Variants in C5 observed in about 807,000 individuals in gnomAD.
C5 encodes C3 and PZP-like alpha-2-macroglobulin domain-containing protein 4.
Under a neutral mutation model 218.8 loss-of-function variants are expected in C5, and 140 were observed. The ratio of observed to expected loss-of-function variants is 0.64; its 90% confidence interval spans 0.56 to 0.74. C5 has a LOEUF of 0.74. Ranked by LOEUF, C5 falls within the 30% of genes least tolerant of loss-of-function variation. The pLI, the probability that C5 is intolerant of heterozygous loss-of-function variation, is 0.00. For synonymous variants in C5, 614 were observed against 682.3 expected, an observed-to-expected ratio of 0.90 and a Z score of 1.56; for missense variants, 1,700 against 1,969.6, an observed-to-expected ratio of 0.86 and a Z score of 2.59.
At chr9:121,021,405 G>T in intron 11 of C5, 104 bp downstream of exon 11, 1 of 857,010 alleles carries the variant, frequency 1.2e-6, no homozygotes, top group Non-Finnish European at 2.0e-6. Flanking sequence ...ACTGTTCACT[G>T]GACTCATGTG....
chr9:121,050,948 G>A (rs182594506), upstream of C5, among the ~76,000 whole-genome samples: 3 of 152,020 alleles, frequency 2.0e-5, no homozygotes, highest in East Asian at 5.8e-4. Context: ...TATACCACTC[G>A]TTCAAAGTTT....
intron 25 of C5, among the ~76,000 whole-genome samples, chr9:120,984,823 G>A (rs2047021406): frequency 6.8e-6 from 1 of 147,740 alleles, no homozygotes; most frequent in Non-Finnish European, 1.5e-5. Flanking sequence ...CCAGGTTCAA[G>A]CGATTCTCCT....
At chr9:121,059,242 G>C in the C5 span, among the ~76,000 whole-genome samples, 1 of 152,198 alleles carries the variant, frequency 6.6e-6, no homozygotes, top group Non-Finnish European at 1.5e-5. This position sits in a 1 kb window ranked among gnomAD's most constrained non-coding sequence, Gnocchi z 4.1. Flanking sequence ...AGGAAGTAGG[G>C]AGGAAGTGGA....
intron 37 of C5, among the ~76,000 whole-genome samples, chr9:120,960,564 T>A (rs1270243696): frequency 5.3e-5 from 8 of 152,236 alleles, no homozygotes; most frequent in Non-Finnish European, 8.8e-5. Context: ...GTCACAAGCT[T>A]GTCTAACCCA....
At chr9:121,030,726 C>T (rs2047467328) in intron 6 of C5, among the ~76,000 whole-genome samples, 1 of 152,150 alleles carries the variant, frequency 6.6e-6, no homozygotes, top group African/African-American at 2.4e-5. Flanking sequence ...TTGATTACAG[C>T]ATTTATTATA....
intron 1 of C5, among the ~76,000 whole-genome samples, chr9:121,047,578 C>A (rs1054964440): frequency 6.6e-6 from 1 of 152,112 alleles, no homozygotes; most frequent in Admixed American, 6.5e-5. Context: ...TGGAGGGCAC[C>A]CACCACCCCA....
Position 121,017,490 on chromosome 9 carries a change from C to G in C5, c.1738G>C (p.Asp580His). ...QLQVHLSPDA[D>H]AYSPGQTVSL... ...ACAGTTTGGCCTGGAGAATATGCAT[C>G]TGCATCAGGAGACAGATGAACCTAA... Residue 580 changes from aspartate (D) to histidine (H), a missense_variant, in exon 14 of 41, where the codon GAT (aspartate) becomes CAT (histidine). Transcript: ENST00000223642. 1.2e-6 allele frequency: 2 copies of G among 1,613,874 alleles called. No homozygotes were observed. The highest frequency in any genetic ancestry group is 1.7e-6 in the Non-Finnish European group (2 of 1,179,954).
At chr9:121,010,925 T>C (rs2047256508) in intron 17 of C5, among the ~76,000 whole-genome samples, 1 of 152,072 alleles carries the variant, frequency 6.6e-6, no homozygotes, top group African/African-American at 2.4e-5. Flanking sequence ...GGTTATCCCA[T>C]TCATGCAGAA....
In C5 at chr9:120,989,554, C is replaced by CTTTTT; in HGVS notation, c.3154+9_3154+13dup. On this transcript the variant is annotated intron_variant, in intron 24 of 40. Transcript: ENST00000223642. ...AATCACCCAATTTTTATGTGAAATA[C>CTTTTT]TTTTTTTTTTTACCTTCTTTTAATT... 1 of 1,151,710 alleles carries CTTTTT rather than the reference C, an allele frequency of 8.7e-7. No homozygotes were observed. Among genetic ancestry groups the CTTTTT allele is most frequent in the Non-Finnish European group, 1.2e-6 (1 of 823,336 alleles). 71.3% of individuals were successfully genotyped at this position (1,151,710 alleles called of 1,614,324 possible).
intron 3 of C5, among the ~76,000 whole-genome samples, chr9:121,041,995 T>C (rs973915586): frequency 4.6e-5 from 7 of 152,276 alleles, no homozygotes; most frequent in Admixed American, 2.0e-4. Flanking sequence ...ACTATTCTCA[T>C]CATCAACATC....
Position 121,017,655 on chromosome 9 carries a change from G to A in C5, c.1704C>T (p.Gly568=), listed in dbSNP as rs758651657. The stretch of plus-strand genomic sequence containing the variant: ...ATTTGTGGCTTACCTGGAGCTGGTT[G>A]CCACATTTTTCTTCAATATTTAACC... ...SVWLNIEEKC[G]NQLQVHLSPD... The change falls in exon 13 of 41, where the codon GGC becomes GGT. Residue 568 remains glycine (G), a synonymous_variant. Transcript: ENST00000223642. The A allele has an allele frequency of 5.0e-6, 8 of 1,613,008 alleles. No homozygotes were observed. The Admixed American group carries it at 1.3e-4, about 27-fold the overall frequency.
chr9:120,962,835 T>C (rs2046837126), intron 35 of C5, 58 bp downstream of exon 35: 1 of 1,597,218 alleles, frequency 6.3e-7, no homozygotes, highest in Non-Finnish European at 8.6e-7. Context: ...TATAATCTTT[T>C]AGCCTGTATA....
intron 17 of C5, among the ~76,000 whole-genome samples, chr9:121,008,755 C>T (rs960113407): frequency 3.3e-5 from 5 of 152,062 alleles, no homozygotes; most frequent in African/African-American, 1.2e-4. Flanking sequence ...CATGTTGAAA[C>T]CCCGTCTCTA....
chr9:121,016,354 C>G lies in C5; in HGVS notation c.1896G>C (p.Leu632=), dbSNP rs760324947. 1.1e-5 allele frequency: 18 copies of G among 1,614,042 alleles called. No individual in the cohort carries two copies. The East Asian group carries it at 3.8e-4, about 34-fold the overall frequency. ...TGAGGCCACCACCTGCCCCACAGCC[C>G]AGATCACTCTTCTCTAAGAATTGAA... ...RVFQFLEKSD[L]GCGAGGGLNN... is the part of the protein sequence containing the mutation. Residue 632 remains leucine, a synonymous_variant, in exon 15 of 41, where the codon CTG becomes CTC. Coordinates refer to ENST00000223642, the MANE Select transcript of C5 (RefSeq NM_001735.3).
At chr9:121,056,572 C>A in the C5 span, among the ~76,000 whole-genome samples, 1 of 151,836 alleles carries the variant, frequency 6.6e-6, no homozygotes, top group African/African-American at 2.4e-5. Flanking sequence ...ATAGAAAATT[C>A]AATTGATAAA....
At chr9:120,987,999 G>A (rs1471956672) in intron 25 of C5, among the ~76,000 whole-genome samples, 1 of 152,098 alleles carries the variant, frequency 6.6e-6, no homozygotes, top group African/African-American at 2.4e-5. Flanking sequence ...CACCATGTTG[G>A]CCAGGATGGT....
intron 20 of C5, among the ~76,000 whole-genome samples, chr9:121,005,136 T>C (rs951189063): frequency 6.6e-6 from 1 of 152,192 alleles, no homozygotes; most frequent in East Asian, 1.9e-4. Context: ...TGAATTCTCA[T>C]GCAAAGTTTT....
chr9:121,043,713 T>G (rs1338566091), intron 2 of C5, among the ~76,000 whole-genome samples: 1 of 150,144 alleles, frequency 6.7e-6, no homozygotes, highest in Non-Finnish European at 1.5e-5. Flanking sequence ...TTTTTTTTTT[T>G]TTTTTTTGTA....
intron 38 of C5, among the ~76,000 whole-genome samples, chr9:120,958,325 T>C (rs539275322): frequency 1.3e-5 from 2 of 152,364 alleles, no homozygotes; most frequent in African/African-American, 4.8e-5. Context: ...TATTCTGTTA[T>C]TCTGGCTTGT....
Sources: allele counts gnomAD v4.1 joint callset (sites outside exome capture counted in the v4.1 genomes callset), GRCh38; gene constraint gnomAD v4.1.1; non-coding constraint Gnocchi (gnomAD v3.1); transcripts MANE v1.5; gene names NCBI Gene and HGNC (gene_info 2026-07-23, HGNC 2026-07-21).